BCAS1: variants seen among roughly 807,000 people sequenced by gnomAD.
BCAS1 encodes brain enriched myelin associated protein 1.
A neutral mutation model predicts 65.4 loss-of-function variants in BCAS1; 46 were observed. The ratio of observed to expected loss-of-function variants is 0.70; its 90% CI spans 0.55 to 0.90. The LOEUF is 0.90. Among genes scored for constraint, BCAS1 ranks in the 40% least tolerant of loss-of-function variants. The probability of loss-of-function intolerance (pLI) is 0.00; values close to 1 mark genes in which losing one functional copy is unlikely to be tolerated. For missense variants in BCAS1, 793 were observed against 771.2 expected (o/e 1.03, Z -0.33); for synonymous variants, 298 against 293.5 (o/e 1.02, Z -0.16).
intron 7 of BCAS1, among the ~76,000 whole-genome samples, chr20:53,990,562 C>A (rs1035854369): frequency 6.6e-6 from 1 of 151,980 alleles, no homozygotes; most frequent in African/African-American, 2.4e-5. Context: ...TTGAATTTCT[C>A]GTTTTCTTTT....
At chr20:54,029,024 G>A (rs748165684) in intron 3 of BCAS1, 52 bp from the exon 4 acceptor site, 3 of 1,544,806 alleles carry the variant, frequency 1.9e-6, no homozygotes, top group Non-Finnish European at 2.6e-6. Context: ...GGAAATTCAG[G>A]CACTAATAAT....
Position 54,028,888 on chromosome 20 carries a change from T to C in BCAS1, c.227A>G (p.Asn76Ser). 16 of 1,613,936 alleles carry C rather than the reference T, an allele frequency of 9.9e-6. No individual in the cohort carries two copies. Among genetic ancestry groups the C allele is most frequent in the Non-Finnish European group, 1.3e-5 (15 of 1,180,008 alleles). The change falls in exon 4 of 13, where the codon AAC (asparagine) becomes AGC (serine). Residue 76 changes from asparagine to serine, a missense_variant. Physicochemically the swap from Asn to Ser is conservative, Grantham distance 46 (BLOSUM62 1). Coordinates refer to ENST00000688948, the MANE Select transcript of BCAS1 (RefSeq NM_001366298.2). The part of the protein sequence containing the change: ...TTEISAVADA[N>S]GKNLGKEAKP... ...GGCCTCTTTCCCAAGATTCTTTCCG[T>C]TGGCATCCGCAACAGCACTTATCTC...
At chr20:53,978,831 C>T (rs1193495405) in intron 8 of BCAS1, among the ~76,000 whole-genome samples, 3 of 151,436 alleles carry the variant, frequency 2.0e-5, no homozygotes, top group Non-Finnish European at 4.4e-5. Flanking sequence ...GTCTAGAGTA[C>T]CATACACTGT....
chr20:54,008,071 A>C (rs1269511323), intron 4 of BCAS1, among the ~76,000 whole-genome samples: 4 of 152,206 alleles, frequency 2.6e-5, no homozygotes, highest in African/African-American at 7.2e-5. Flanking sequence ...AGGAAAGGGC[A>C]ATCTGGCAAG....
chr20:53,995,136 A>T (rs1040821055), intron 5 of BCAS1, 80 bp from the exon 6 acceptor site: 2 of 1,266,322 alleles, frequency 1.6e-6, no homozygotes, highest in African/African-American at 3.0e-5. Context: ...ATAACTCTTT[A>T]GGGTGGTCCA....
At chr20:54,059,109 C>T (rs290430) in intron 1 of BCAS1, among the ~76,000 whole-genome samples, 58,239 of 151,902 alleles carry the variant, frequency 0.38, 11,563 homozygotes, top group African/African-American at 0.47. Context: ...AGGAACCCGC[C>T]CCCATGATCC....
At chr20:54,064,641 C>T (rs2092414485) in intron 1 of BCAS1, among the ~76,000 whole-genome samples, 1 of 152,222 alleles carries the variant, frequency 6.6e-6, no homozygotes, top group Admixed American at 6.5e-5. Flanking sequence ...GTCTCGCTCT[C>T]CTGCATCTCT....
intron 6 of BCAS1, among the ~76,000 whole-genome samples, chr20:53,994,749 T>C (rs1555857578): frequency 6.6e-6 from 1 of 152,132 alleles, no homozygotes; most frequent in Non-Finnish European, 1.5e-5. Flanking sequence ...GAAATTGGTA[T>C]TGTGATATTA....
intron 4 of BCAS1, among the ~76,000 whole-genome samples, chr20:54,027,354 A>C (rs185739086): frequency 1.3e-5 from 2 of 152,338 alleles, no homozygotes; most frequent in East Asian, 3.9e-4. Context: ...ATTTTCATTA[A>C]GGAAAATAAT....
intron 12 of BCAS1, among the ~76,000 whole-genome samples, chr20:53,945,404 CTTT>C (rs10583008): frequency 7.1e-6 from 1 of 141,684 alleles, no homozygotes; most frequent in Admixed American, 7.2e-5. Flanking sequence ...TTATTTTCTT[CTTT>C]TTTTTTTATT....
chr20:54,069,599 T>A (rs1311224574), intron 1 of BCAS1, among the ~76,000 whole-genome samples: 1 of 152,184 alleles, frequency 6.6e-6, no homozygotes, highest in Non-Finnish European at 1.5e-5. Context: ...TTCATGTTCC[T>A]AGTTGTAAAA....
chr20:53,945,630 T>C (rs973826938), intron 12 of BCAS1, among the ~76,000 whole-genome samples: 1 of 152,170 alleles, frequency 6.6e-6, no homozygotes, highest in East Asian at 1.9e-4. Context: ...TCTAATTTAT[T>C]TGTCTAACAT....
chr20:54,050,966 T>C (rs1448971366), intron 3 of BCAS1, among the ~76,000 whole-genome samples: 1 of 152,176 alleles, frequency 6.6e-6, no homozygotes, highest in Non-Finnish European at 1.5e-5. Context: ...ATTCTCAAGG[T>C]GGTAAAAAGC....
chr20:54,043,739 G>C (rs1444824244), intron 3 of BCAS1, among the ~76,000 whole-genome samples: 3 of 152,142 alleles, frequency 2.0e-5, no homozygotes, highest in Non-Finnish European at 4.4e-5. Flanking sequence ...GACTCAGGAG[G>C]TCTGGGCTCC....
At chr20:54,060,569 G>GCCTTGGCC (rs11474520) in intron 1 of BCAS1, among the ~76,000 whole-genome samples, 23,002 of 151,262 alleles carry the variant, frequency 0.15, 2,058 homozygotes, top group East Asian at 0.32. Context: ...TGATCCACCC[G>GCCTTGGCC]CCTTGGCCTC....
intron 4 of BCAS1, 59 bp downstream of exon 4, chr20:54,028,333 C>T (rs763221747): frequency 6.3e-7 from 1 of 1,578,270 alleles, no homozygotes; most frequent in Admixed American, 1.7e-5. Context: ...GTGGTCTTAT[C>T]CCATTAGCGC....
intron 4 of BCAS1, among the ~76,000 whole-genome samples, chr20:54,017,638 C>T (rs1353990879): frequency 6.6e-6 from 1 of 152,062 alleles, no homozygotes; most frequent in Non-Finnish European, 1.5e-5. Context: ...TCAAGTGATC[C>T]TCCTGCCTCA....
At chr20:54,037,394 GTC>G (rs2091917735) in intron 3 of BCAS1, among the ~76,000 whole-genome samples, 1 of 151,354 alleles carries the variant, frequency 6.6e-6, no homozygotes, top group South Asian at 2.1e-4. Context: ...CCTCCACCTG[GTC>G]TCTCCCTTGA....
intron 4 of BCAS1, among the ~76,000 whole-genome samples, chr20:54,017,420 G>T (rs2091463066): frequency 2.0e-5 from 3 of 149,968 alleles, no homozygotes; most frequent in Non-Finnish European, 4.4e-5. Flanking sequence ...TTTTGAGGTG[G>T]AGTCTCGCTC....
Sources: gnomAD v4.1 joint callset for allele counts (sites outside exome capture counted in the v4.1 genomes callset) on GRCh38, gnomAD v4.1.1 for gene constraint, MANE v1.5 for transcripts, NCBI Gene and HGNC (gene_info 2026-07-23, HGNC 2026-07-21) for gene names.